TENM3: variants seen among roughly 807,000 people sequenced by gnomAD.
TENM3 encodes teneurin transmembrane protein 3, also known as teneurin-3.
In TENM3, 63 loss-of-function variants were observed where a neutral mutation model predicts 255.1. The observed-to-expected ratio is 0.25, with a 90% CI of 0.20 to 0.30. The LOEUF is 0.30. TENM3 is among the 10% of genes least tolerant of loss of function. TENM3 has a pLI of 1.00. For missense variants in TENM3, 2,929 were observed against 3,461.1 expected (o/e 0.85, Z 3.86); for synonymous variants, 1,306 against 1,322.3 (o/e 0.99, Z 0.27).
At chr4:182,575,996 G>C (rs552357549) in intron 3 of TENM3, among the ~76,000 whole-genome samples, 7 of 152,288 alleles carry the variant, frequency 4.6e-5, no homozygotes, top group African/African-American at 1.4e-4. Flanking sequence ...CTCATTTTCA[G>C]GGTGGGATTA....
chr4:181,532,954 CTG>C, the TENM3 span, among the ~76,000 whole-genome samples: 1 of 152,116 alleles, frequency 6.6e-6, no homozygotes, highest in Non-Finnish European at 1.5e-5. Context: ...TTGTTTAAGA[CTG>C]TGAAATGTTT....
chr4:181,585,959 C>T, the TENM3 span, among the ~76,000 whole-genome samples: 4 of 152,136 alleles, frequency 2.6e-5, no homozygotes, highest in Non-Finnish European at 2.9e-5. Flanking sequence ...TAGCCTAGAG[C>T]GTTGGAGGCT....
At chr4:182,570,258 C>T (rs1169072000) in intron 3 of TENM3, among the ~76,000 whole-genome samples, 1 of 152,012 alleles carries the variant, frequency 6.6e-6, no homozygotes, top group African/African-American at 2.4e-5. Flanking sequence ...CAGGACAAAT[C>T]AAAGATTGCT....
intron 1 of TENM3, among the ~76,000 whole-genome samples, chr4:182,156,837 C>T (rs543402691): frequency 7.6e-4 from 116 of 152,284 alleles, no homozygotes; most frequent in African/African-American, 2.3e-3. Context: ...TTTGTCTGTG[C>T]TCTTGTGTCC....
At chr4:181,993,443 CT>C in the TENM3 span, among the ~76,000 whole-genome samples, 1 of 152,130 alleles carries the variant, frequency 6.6e-6, no homozygotes, top group African/African-American at 2.4e-5. Context: ...TCGTGAGCAA[CT>C]TCTATCTACT....
intron 3 of TENM3, among the ~76,000 whole-genome samples, chr4:182,486,606 A>C (rs1734750437): frequency 6.6e-6 from 1 of 152,164 alleles, no homozygotes; most frequent in South Asian, 2.1e-4. Flanking sequence ...TGGTAATAGA[A>C]ATTTTATGTA....
At chr4:181,903,554 C>T in the TENM3 span, among the ~76,000 whole-genome samples, 19 of 152,202 alleles carry the variant, frequency 1.2e-4, no homozygotes, top group Admixed American at 3.3e-4. Context: ...CACATCATCC[C>T]TAATCAACTC....
the TENM3 span, among the ~76,000 whole-genome samples, chr4:182,033,081 C>T: frequency 6.6e-6 from 1 of 151,354 alleles, no homozygotes; most frequent in East Asian, 1.9e-4. Flanking sequence ...TTGTCTTCTG[C>T]TAGCTTTGGG....
chr4:181,923,211 G>C, the TENM3 span, among the ~76,000 whole-genome samples: 1 of 152,108 alleles, frequency 6.6e-6, no homozygotes, highest in African/African-American at 2.4e-5. Context: ...TATATATTCT[G>C]TTGATTTGGG....
chr4:182,653,748 C>A (rs763259849), intron 5 of TENM3, 23 bp from the exon 6 acceptor site: 1 of 1,590,028 alleles, frequency 6.3e-7, no homozygotes, highest in Non-Finnish European at 8.6e-7. Flanking sequence ...GATCTTTAAA[C>A]AACTTGTGTT....
chr4:181,894,437 A>C, the TENM3 span, among the ~76,000 whole-genome samples: 1 of 152,252 alleles, frequency 6.6e-6, no homozygotes, highest in African/African-American at 2.4e-5. Flanking sequence ...GCTTCACCAA[A>C]ATAGTTCTCT....
chr4:181,654,772 AAAG>A, the TENM3 span, among the ~76,000 whole-genome samples: 16 of 151,574 alleles, frequency 1.1e-4, no homozygotes, highest in African/African-American at 3.9e-4. Context: ...AAAAAAAAAA[AAAG>A]AAGTGGTCCT....
the TENM3 span, among the ~76,000 whole-genome samples, chr4:181,706,622 T>G: frequency 6.6e-6 from 1 of 152,164 alleles, no homozygotes; most frequent in South Asian, 2.1e-4. Context: ...TAAAGCAATT[T>G]TATATATTCA....
At chr4:181,833,589 C>T in the TENM3 span, among the ~76,000 whole-genome samples, 1 of 152,210 alleles carries the variant, frequency 6.6e-6, no homozygotes, top group Non-Finnish European at 1.5e-5. Context: ...TACTCCACTT[C>T]TTTGACATTC....
chr4:182,771,980 G>C (rs1239899390), intron 22 of TENM3, among the ~76,000 whole-genome samples: 1 of 152,114 alleles, frequency 6.6e-6, no homozygotes, highest in Non-Finnish European at 1.5e-5. Context: ...GATCATGTCA[G>C]TCAAACCCAT....
At chr4:182,637,077 G>A (rs1397876042) in intron 5 of TENM3, among the ~76,000 whole-genome samples, 1 of 152,152 alleles carries the variant, frequency 6.6e-6, no homozygotes, top group South Asian at 2.1e-4. Context: ...TATTCAGAGA[G>A]AAATGTCTGC....
chr4:182,609,956 A>G (rs1381734865), intron 4 of TENM3, among the ~76,000 whole-genome samples: 1 of 152,240 alleles, frequency 6.6e-6, no homozygotes, highest in Non-Finnish European at 1.5e-5. Context: ...TACCAAGGAA[A>G]TAAAGATGTG....
intron 3 of TENM3, among the ~76,000 whole-genome samples, chr4:182,358,813 G>A (rs1415027839): frequency 1.3e-5 from 2 of 148,604 alleles, no homozygotes; most frequent in Admixed American, 6.7e-5. Flanking sequence ...CAAAGGGAAT[G>A]CTTCCAGTTT....
the TENM3 span, among the ~76,000 whole-genome samples, chr4:181,826,733 T>C: frequency 6.6e-6 from 1 of 152,196 alleles, no homozygotes; most frequent in African/African-American, 2.4e-5. Flanking sequence ...AAAATACAGC[T>C]GCCTAGGCCA....
Sources: allele counts gnomAD v4.1 joint callset (sites outside exome capture counted in the v4.1 genomes callset), GRCh38; gene constraint gnomAD v4.1.1; transcripts MANE v1.5; gene names NCBI Gene and HGNC (gene_info 2026-07-23, HGNC 2026-07-21).